CSMD2: variants seen among roughly 807,000 people sequenced by gnomAD.
CSMD2 encodes CUB and sushi domain-containing protein 2.
Under a neutral mutation model 398.5 loss-of-function variants are expected in CSMD2, and 130 were observed. The ratio of observed to expected loss-of-function variants is 0.33; its 90% CI spans 0.28 to 0.38. The LOEUF (loss-of-function observed/expected upper bound fraction) is 0.38, where lower values mean the gene tolerates loss of function less well. CSMD2 is among the 10% of genes least tolerant of loss of function. CSMD2 has a pLI of 1.00. For synonymous variants in CSMD2, 1,828 were observed against 1,908.5 expected (o/e 0.96, Z 1.10); for missense variants, 3,829 against 4,764.9 (o/e 0.80, Z 5.78).
chr1:33,758,415 C>T (rs77099354), intron 13 of CSMD2, among the ~76,000 whole-genome samples: 1 of 152,146 alleles, frequency 6.6e-6, no homozygotes, highest in Non-Finnish European at 1.5e-5. Flanking sequence ...ATCTTCCAAA[C>T]CAAATGCTCT....
At chr1:33,697,336 A>G (rs536407617) in intron 24 of CSMD2, among the ~76,000 whole-genome samples, 144 of 152,168 alleles carry the variant, frequency 9.5e-4, no homozygotes, top group Non-Finnish European at 1.5e-3. Flanking sequence ...TGGCACATGA[A>G]TGAGGGGAGA....
In CSMD2 at chr1:33,580,878, A is replaced by G; in HGVS notation, c.7262T>C (p.Leu2421Pro). The G allele has an allele frequency of 1.2e-6, 2 of 1,614,172 alleles. No homozygotes were observed. The highest frequency in any genetic ancestry group is 1.3e-5 in the African/African-American group (1 of 75,066). The change falls in exon 48 of 71, where the codon CTG becomes CCG. Residue 2421 changes from leucine to proline, a missense_variant. Around this residue, in one of 5 missense-constraint regions of CSMD2, gnomAD observed 723 missense variants for 758.6 expected, o/e 0.95. Coordinates refer to ENST00000373381, the MANE Select transcript of CSMD2 (RefSeq NM_001281956.2). The part of the protein sequence containing the change: ...IFDGPSGQSP[L>P]LKALSGNYSA... ...GTAATTCCCACTGAGGGCTTTCAGC[A>G]GAGGACTCTGTCCTGATGGACCTGG... is the stretch of plus-strand genomic sequence containing the variant.
intron 10 of CSMD2, among the ~76,000 whole-genome samples, chr1:33,796,607 T>C (rs899248384): frequency 2.7e-5 from 4 of 149,338 alleles, no homozygotes; most frequent in Admixed American, 6.6e-5. Context: ...TTGTGTTAAC[T>C]GTACAAACTG....
At chr1:34,076,928 AATAT>A (rs1177320523) in intron 2 of CSMD2, among the ~76,000 whole-genome samples, 150 of 53,534 alleles carry the variant, frequency 2.8e-3, no homozygotes, top group African/African-American at 5.8e-3. Flanking sequence ...AAAAAAAAAA[AATAT>A]ATATATATAT....
At chr1:33,829,453 C>CAT (rs1204935463) in intron 6 of CSMD2, among the ~76,000 whole-genome samples, 2 of 152,276 alleles carry the variant, frequency 1.3e-5, no homozygotes, top group South Asian at 4.1e-4. Context: ...AGTTTTGTTA[C>CAT]ATATATATAC....
At chr1:33,875,399 G>A (rs577345411) in intron 5 of CSMD2, 19 of 152,246 alleles carry the variant, frequency 1.2e-4, no homozygotes, top group African/African-American at 4.3e-4. Flanking sequence ...ACATGTTTTG[G>A]GCGTTTACTA....
intron 55 of CSMD2, among the ~76,000 whole-genome samples, chr1:33,555,009 G>A (rs1657825980): frequency 6.6e-6 from 1 of 152,182 alleles, no homozygotes; most frequent in Non-Finnish European, 1.5e-5. Flanking sequence ...TAAGGCTATA[G>A]CTTCCACAGA....
intron 1 of CSMD2, among the ~76,000 whole-genome samples, chr1:34,130,806 T>A (rs1663269394): frequency 6.6e-6 from 1 of 152,094 alleles, no homozygotes. Context: ...ATAGCATCCA[T>A]TTTCCAACTC....
chr1:33,945,044 C>T (rs183962965), intron 3 of CSMD2, among the ~76,000 whole-genome samples: 2 of 152,186 alleles, frequency 1.3e-5, no homozygotes, highest in East Asian at 3.9e-4. Flanking sequence ...GCAAAGACAT[C>T]CATCATTGCA....
chr1:34,138,104 A>T (rs1218666376), intron 1 of CSMD2, among the ~76,000 whole-genome samples: 1 of 152,242 alleles, frequency 6.6e-6, no homozygotes, highest in Non-Finnish European at 1.5e-5. Flanking sequence ...GTATTTACTA[A>T]GTGGTAAGTC....
At chr1:34,020,902 T>A (rs1226939490) in intron 3 of CSMD2, among the ~76,000 whole-genome samples, 5 of 152,108 alleles carry the variant, frequency 3.3e-5, no homozygotes, top group Non-Finnish European at 7.4e-5. Flanking sequence ...CCCTGCAGCT[T>A]GTATGAGGAT....
At chr1:33,837,749 A>G (rs1052924078) in intron 6 of CSMD2, among the ~76,000 whole-genome samples, 45 of 152,266 alleles carry the variant, frequency 3.0e-4, no homozygotes, top group Admixed American at 9.2e-4. Flanking sequence ...ATGTGAACAA[A>G]GTCAGGACTC....
At chr1:33,847,623 C>G (rs1638364241) in intron 5 of CSMD2, among the ~76,000 whole-genome samples, 3 of 152,108 alleles carry the variant, frequency 2.0e-5, no homozygotes, top group Admixed American at 2.0e-4. Flanking sequence ...TTTCCTTTGT[C>G]TTCCTCTGTG....
At chr1:33,523,601 G>A (rs976611718) in intron 66 of CSMD2, among the ~76,000 whole-genome samples, 182 bp from the exon 67 acceptor site, 1 of 152,174 alleles carries the variant, frequency 6.6e-6, no homozygotes, top group African/African-American at 2.4e-5. Flanking sequence ...TAGGCTGAAC[G>A]TGGTTATATG....
intron 19 of CSMD2, among the ~76,000 whole-genome samples, chr1:33,720,426 G>C (rs1285268168): frequency 6.6e-6 from 1 of 152,190 alleles, no homozygotes; most frequent in East Asian, 1.9e-4. Flanking sequence ...GAGGGGGTCA[G>C]GGAAGGCTCA....
At chr1:33,517,378 G>A (rs967241742) in intron 70 of CSMD2, among the ~76,000 whole-genome samples, 5 of 152,178 alleles carry the variant, frequency 3.3e-5, no homozygotes, top group Admixed American at 1.3e-4. Context: ...ACAGCATGGC[G>A]CACACCAGCA....
At position 33,624,656 on chromosome 1, in the gene CSMD2, G is replaced by A. The variant is rs1274986655; in HGVS notation, c.5501-13C>T. The A allele has an allele frequency of 1.2e-6, 2 of 1,609,272 alleles. No homozygotes were observed. Among genetic ancestry groups the A allele is most frequent in the Admixed American group, 1.7e-5 (1 of 59,908 alleles). The stretch of plus-strand genomic sequence containing the variant: ...CCTCCACACGGCACTGGGAGGAGAG[G>A]CCATCGGGTCAGAGGCTTTGTGGCC... On this transcript the variant is annotated splice_polypyrimidine_tract_variant and intron_variant, in intron 34 of 70. Transcript: ENST00000373381. This position sits in a 1 kb window ranked among gnomAD's most constrained non-coding sequence, Gnocchi z 4.7.
chr1:34,003,987 A>C lies in CSMD2; in HGVS notation c.517+28607T>G, dbSNP rs1255182243. ...CTGTGCAGACTCTCAATCAAATCAC[A>C]ATGCCTACCTGCCCTCTAGCCCCAG... On this transcript the variant is annotated intron_variant, in intron 3 of 70. Coordinates refer to ENST00000373381, the MANE Select transcript of CSMD2 (RefSeq NM_001281956.2). Among the ~76,000 whole-genome samples, 7 of 152,090 alleles carry C rather than the reference A, an allele frequency of 4.6e-5. No individual in the cohort carries two copies. The East Asian group carries it at 5.8e-4, about 13-fold the overall frequency.
intron 21 of CSMD2, chr1:33,709,485 G>T (rs547791750): frequency 4.4e-4 from 235 of 534,128 alleles, no homozygotes; most frequent in Non-Finnish European, 6.8e-4. Flanking sequence ...TCTGTCTCTT[G>T]TGCTGTTTGT....
Sources: gnomAD v4.1 joint callset for allele counts (sites outside exome capture counted in the v4.1 genomes callset) on GRCh38, gnomAD v4.1.1 for gene constraint, gnomAD v4.1.1 regional missense constraint, Gnocchi (gnomAD v3.1) non-coding constraint, MANE v1.5 for transcripts, NCBI Gene and HGNC (gene_info 2026-07-23, HGNC 2026-07-21) for gene names.